RAB6A: variants seen among roughly 807,000 people sequenced by gnomAD.
RAB6A encodes RAB6A, member RAS oncogene family, also known as ras-related protein Rab-6A.
In RAB6A, 8 loss-of-function variants were observed where a neutral mutation model predicts 32.3. The ratio of observed to expected loss-of-function variants is 0.25; its 90% CI spans 0.15 to 0.45. RAB6A has a LOEUF of 0.45. Among genes scored for constraint, RAB6A ranks in the 20% least tolerant of loss-of-function variants. The pLI, the probability that RAB6A is intolerant of heterozygous loss-of-function variation, is 1.00. For synonymous variants in RAB6A, 73 were observed against 82.1 expected (o/e 0.89, Z 0.60); for missense variants, 104 against 249.4 (o/e 0.42, Z 3.93).
At chr11:73,703,525 T>C (rs1945780489) in intron 6 of RAB6A, among the ~76,000 whole-genome samples, 1 of 151,576 alleles carries the variant, frequency 6.6e-6, no homozygotes, top group African/African-American at 2.4e-5. Context: ...GCGTATCACC[T>C]AAGGCCAGGA....
At chr11:73,758,387 T>C (rs888800555) in intron 1 of RAB6A, among the ~76,000 whole-genome samples, 2 of 152,186 alleles carry the variant, frequency 1.3e-5, no homozygotes, top group African/African-American at 4.8e-5. Context: ...TGTGCCATAC[T>C]AATGCAAGAT....
intron 1 of RAB6A, among the ~76,000 whole-genome samples, chr11:73,746,069 T>C (rs921430873): frequency 6.6e-6 from 1 of 151,316 alleles, no homozygotes; most frequent in African/African-American, 2.4e-5. Context: ...TTCGCACCAG[T>C]AGTCCCAGCT....
At chr11:73,687,109 T>C (rs1176984227) in intron 6 of RAB6A, among the ~76,000 whole-genome samples, 1 of 152,028 alleles carries the variant, frequency 6.6e-6, no homozygotes, top group Non-Finnish European at 1.5e-5. Flanking sequence ...ATTATGCAAG[T>C]GAAACAAGTC....
In RAB6A at chr11:73,707,692, C is replaced by T. The variant is rs556505799; in HGVS notation, c.402-179G>A. ...ATTTGTGTGTTTCTGTGTGTGTATA[C>T]TTAACATTTTTTTAAAGACTTTTTT... On this transcript the variant is annotated intron_variant, in intron 5 of 7. Coordinates refer to ENST00000336083, the MANE Select transcript of RAB6A (RefSeq NM_198896.2). 2.2e-4 allele frequency among the ~76,000 whole-genome samples: 33 copies of T among 152,288 alleles called. No individual in the cohort carries two copies. The South Asian group carries it at 6.6e-3, about 31-fold the overall frequency.
At position 73,716,244 on chromosome 11, in the gene RAB6A, T is replaced by A. The variant is rs1434663971; in HGVS notation, c.401+7A>T. The A allele has an allele frequency of 6.3e-7, 1 of 1,576,396 alleles. No individual in the cohort carries two copies. The highest frequency in any genetic ancestry group is 1.7e-5 in the Admixed American group (1 of 59,594). On this transcript the variant is annotated splice_region_variant and intron_variant, in intron 5 of 7. Transcript: ENST00000336083. ...AAACATTACACACATATAAAATAAC[T>A]CCATACCTCTTGTCAGCAAGATCTG...
Position 73,722,343 on chromosome 11 carries a change from A to ATTTTTTTT in RAB6A, c.130-1452_130-1445dup, listed in dbSNP as rs537309131. On this transcript the variant is annotated intron_variant, in intron 2 of 7. Transcript: ENST00000336083. ...TATATATATATATATATATATATAT[A>ATTTTTTTT]TTTTTTTTTTTTTTTTTTTTTTTTG... 4 of 15,362 alleles carry ATTTTTTTT rather than the reference A, an allele frequency of 2.6e-4. 1 individual carries two copies. The highest frequency in any genetic ancestry group is 1.1e-3 in the African/African-American group (4 of 3,764). The allele number at this position is 15,362 out of a possible 1,614,324, so 1.0% of individuals were successfully genotyped here. A position where few individuals can be genotyped will look rare whatever the true frequency, so the allele number is the denominator to read the frequency against.
At chr11:73,739,428 T>C (rs1244582517) in intron 1 of RAB6A, among the ~76,000 whole-genome samples, 1 of 149,394 alleles carries the variant, frequency 6.7e-6, no homozygotes, top group Non-Finnish European at 1.5e-5. Context: ...CGCCTCAGCC[T>C]CCCAAATGCT....
intron 1 of RAB6A, among the ~76,000 whole-genome samples, chr11:73,746,152 C>A (rs1353338024): frequency 1.3e-5 from 2 of 149,542 alleles, no homozygotes; most frequent in African/African-American, 4.9e-5. Flanking sequence ...CAACAGAGAC[C>A]CCATCAATTT....
chr11:73,745,641 G>C (rs921256540), intron 1 of RAB6A, among the ~76,000 whole-genome samples: 16 of 151,962 alleles, frequency 1.1e-4, no homozygotes, highest in African/African-American at 3.6e-4. Flanking sequence ...GACCAGGCTG[G>C]CCAACATGGT....
At chr11:73,737,158 A>T (rs1946411435) in intron 1 of RAB6A, among the ~76,000 whole-genome samples, 1 of 152,170 alleles carries the variant, frequency 6.6e-6, no homozygotes, top group African/African-American at 2.4e-5. Flanking sequence ...GAAATAACAT[A>T]ATGTACTTCT....
chr11:73,749,425 G>A (rs1006256494), intron 1 of RAB6A, among the ~76,000 whole-genome samples: 1 of 152,006 alleles, frequency 6.6e-6, no homozygotes, highest in Non-Finnish European at 1.5e-5. Flanking sequence ...TCGGGTGATG[G>A]GTGCACCAAA....
intron 6 of RAB6A, among the ~76,000 whole-genome samples, chr11:73,682,927 CTT>C (rs992706700): frequency 3.3e-5 from 5 of 152,126 alleles, no homozygotes; most frequent in South Asian, 2.1e-4. Context: ...AGAATATAAA[CTT>C]TGTCAGCTCA....
chr11:73,735,707 C>T (rs7950472), intron 1 of RAB6A, among the ~76,000 whole-genome samples: 145,958 of 152,172 alleles, frequency 0.96, 70,289 homozygotes, highest in East Asian at 1. Flanking sequence ...AATTTAAATA[C>T]GTAACTCTAC....
chr11:73,756,333 G>A (rs1245703863), intron 1 of RAB6A, among the ~76,000 whole-genome samples: 26 of 152,110 alleles, frequency 1.7e-4, no homozygotes, highest in Non-Finnish European at 5.9e-5. Flanking sequence ...CAGCCTGAGT[G>A]ACAGAGGTAG....
intron 1 of RAB6A, among the ~76,000 whole-genome samples, chr11:73,732,369 G>A (rs1343114430): frequency 2.0e-5 from 3 of 151,926 alleles, no homozygotes; most frequent in Non-Finnish European, 2.9e-5. Context: ...GGCGGATCAC[G>A]AGGTCAGGAG....
rs571233208 is a variant in RAB6A, at chr11:73,705,901, T to A, written c.495+1519A>T. On this transcript the variant is annotated intron_variant, in intron 6 of 7. Coordinates refer to ENST00000336083, the MANE Select transcript of RAB6A (RefSeq NM_198896.2). The stretch of plus-strand genomic sequence containing the variant: ...CAGGTGTCACAGACAGGAGGTAGGA[T>A]GGGAAATGTCAGAGAAAATGTTGCT... 3.1e-4 allele frequency among the ~76,000 whole-genome samples: 47 copies of A among 151,334 alleles called. No individual in the cohort carries two copies. In the South Asian group the frequency reaches 4.6e-3, roughly 15 times the overall value.
In RAB6A at chr11:73,744,204, G is replaced by C. The variant is rs146755682; in HGVS notation, c.71-13381C>G. ...ATACAAAAAATTAGCCGGGCATGGT[G>C]GTGGGCGCCTGTAGTCCCAGCTACT... On this transcript the variant is annotated intron_variant, in intron 1 of 7. Transcript: ENST00000336083. 5.6e-3 allele frequency among the ~76,000 whole-genome samples: 859 copies of C among 152,046 alleles called. 7 individuals are homozygous for C. The highest frequency in any genetic ancestry group is 8.4e-3 in the Non-Finnish European group (569 of 67,974).
chr11:73,701,005 GCT>G (rs1389898577), intron 6 of RAB6A, among the ~76,000 whole-genome samples: 2 of 152,220 alleles, frequency 1.3e-5, no homozygotes, highest in East Asian at 3.9e-4. Context: ...TGATGTAAAA[GCT>G]CTCTCACAAT....
intron 1 of RAB6A, among the ~76,000 whole-genome samples, chr11:73,741,701 G>GA (rs1946498668): frequency 6.6e-6 from 1 of 152,038 alleles, no homozygotes. Context: ...TCAAATCATA[G>GA]AAAGACATGC....
Sources: gnomAD v4.1 joint callset for allele counts (sites outside exome capture counted in the v4.1 genomes callset) on GRCh38, gnomAD v4.1.1 for gene constraint, MANE v1.5 for transcripts, NCBI Gene and HGNC (gene_info 2026-07-23, HGNC 2026-07-21) for gene names.